The following ADGRA3 variants were observed in gnomAD, a reference collection of about 807,000 sequenced individuals.
ADGRA3 encodes adhesion G protein-coupled receptor A3.
ADGRA3 carries 56 observed loss-of-function variants against 119.8 expected under a neutral mutation model. That is an observed-to-expected ratio of 0.47 (90% CI 0.38 to 0.58). The LOEUF (loss-of-function observed/expected upper bound fraction) is 0.58. Ranked by LOEUF, ADGRA3 falls within the 20% of genes least tolerant of loss-of-function variation. The probability of loss-of-function intolerance (pLI) is 0.00; values close to 1 mark genes in which losing one functional copy is unlikely to be tolerated. For synonymous variants in ADGRA3, 607 were observed against 623.8 expected, an observed-to-expected ratio of 0.97 and a Z score of 0.40; for missense variants, 1,516 against 1,649.0, an observed-to-expected ratio of 0.92 and a Z score of 1.40.
chr4:22,427,502 G>A (rs1025962843), intron 10 of ADGRA3, among the ~76,000 whole-genome samples: 53 of 151,760 alleles, frequency 3.5e-4, no homozygotes, highest in African/African-American at 1.2e-3. Flanking sequence ...GGTACAGGAC[G>A]AACAACAGTA....
Position 22,464,761 on chromosome 4 carries a change from CA to C in ADGRA3, c.330-2954del, listed in dbSNP as rs34000411. Among the ~76,000 whole-genome samples, 1,118 of 152,312 alleles carry C rather than the reference CA, an allele frequency of 7.3e-3. 6 individuals carry two copies. Among genetic ancestry groups the C allele is most frequent in the Middle Eastern group, 0.024 (7 of 294 alleles). On this transcript the variant is annotated intron_variant, in intron 2 of 18. Coordinates refer to ENST00000334304, the MANE Select transcript of ADGRA3 (RefSeq NM_145290.4). The stretch of plus-strand genomic sequence containing the variant: ...CACCTGGAATGAAAACAGGATATCC[CA>C]GGGGGCTGGGGGGTCTGAGTGTGCT...
chr4:22,423,820 A>G (rs1162368228), intron 11 of ADGRA3, among the ~76,000 whole-genome samples: 1 of 152,210 alleles, frequency 6.6e-6, no homozygotes, highest in African/African-American at 2.4e-5. Flanking sequence ...GGGCAATACA[A>G]TAGTGTTCTT....
At chr4:22,466,740 C>G (rs1717673804) in intron 2 of ADGRA3, among the ~76,000 whole-genome samples, 1 of 151,936 alleles carries the variant, frequency 6.6e-6, no homozygotes, top group Admixed American at 6.6e-5. Context: ...AACAACAGCA[C>G]TCTGCGCCCT....
intron 10 of ADGRA3, among the ~76,000 whole-genome samples, chr4:22,431,913 A>C (rs927353114): frequency 3.9e-5 from 6 of 152,100 alleles, no homozygotes; most frequent in African/African-American, 1.4e-4. Flanking sequence ...GGGATTTTAT[A>C]AGTTTTACTT....
At chr4:22,486,186 C>A (rs1253479044) in intron 1 of ADGRA3, among the ~76,000 whole-genome samples, 1 of 152,070 alleles carries the variant, frequency 6.6e-6, no homozygotes. Flanking sequence ...TGTTATGGAT[C>A]TTTCCATATT....
intron 2 of ADGRA3, among the ~76,000 whole-genome samples, chr4:22,465,742 G>C (rs1301629108): frequency 6.6e-6 from 1 of 152,198 alleles, no homozygotes; most frequent in African/African-American, 2.4e-5. Flanking sequence ...CAGGATTTAA[G>C]TGTATCTTTC....
At chr4:22,508,738 A>C (rs1330953389) in intron 1 of ADGRA3, among the ~76,000 whole-genome samples, 1 of 152,168 alleles carries the variant, frequency 6.6e-6, no homozygotes, top group East Asian at 1.9e-4. Flanking sequence ...ATCCAGGTGG[A>C]GAAAAACAAT....
At chr4:22,487,117 C>T (rs1054391537) in intron 1 of ADGRA3, among the ~76,000 whole-genome samples, 4 of 152,212 alleles carry the variant, frequency 2.6e-5, no homozygotes, top group African/African-American at 7.2e-5. Context: ...CAACTGTTAA[C>T]GCCTCTGGGG....
chr4:22,405,085 G>A (rs975116728), intron 14 of ADGRA3, among the ~76,000 whole-genome samples: 5 of 152,122 alleles, frequency 3.3e-5, no homozygotes, highest in Non-Finnish European at 5.9e-5. Context: ...ATCTTAGGGG[G>A]GTTGGAGAAG....
chr4:22,467,947 G>A (rs193078099), intron 2 of ADGRA3, among the ~76,000 whole-genome samples: 65 of 152,288 alleles, frequency 4.3e-4, no homozygotes, highest in Middle Eastern at 3.4e-3. Flanking sequence ...AGAACATGAA[G>A]TATACCAGGT....
At chr4:22,492,789 G>T (rs1718676474) in intron 1 of ADGRA3, among the ~76,000 whole-genome samples, 2 of 152,138 alleles carry the variant, frequency 1.3e-5, no homozygotes, top group Admixed American at 6.6e-5. Context: ...ACAAAGACTA[G>T]CCAAACCAAG....
chr4:22,482,975 C>T (rs1718302773), intron 1 of ADGRA3, among the ~76,000 whole-genome samples: 2 of 152,158 alleles, frequency 1.3e-5, no homozygotes, highest in Admixed American at 1.3e-4. Context: ...CAGTCCCCAG[C>T]CAATGACTGA....
Position 22,402,664 on chromosome 4 carries a change from G to T in ADGRA3, c.2357+11C>A, listed in dbSNP as rs776525556. On this transcript the variant is annotated intron_variant, in intron 15 of 18. Transcript: ENST00000334304. ...GTCCGCAGATCTATTTTGTCGAGATGTATTTCTTACCTGTGATGGTATATG... is the reference window on the plus strand; with the variant it reads ...GTCCGCAGATCTATTTTGTCGAGATTTATTTCTTACCTGTGATGGTATATG... The T allele has an allele frequency of 1.7e-5, 28 of 1,607,702 alleles. No homozygotes were observed. Among genetic ancestry groups the T allele is most frequent in the Non-Finnish European group, 2.2e-5 (26 of 1,178,158 alleles).
intron 3 of ADGRA3, among the ~76,000 whole-genome samples, chr4:22,460,538 C>T (rs568053094): frequency 1.2e-3 from 190 of 152,282 alleles, no homozygotes; most frequent in Non-Finnish European, 2.4e-3. Context: ...CCATTAGTCT[C>T]CAATATATTT....
At chr4:22,504,674 G>A (rs75601289) in intron 1 of ADGRA3, among the ~76,000 whole-genome samples, 3,327 of 151,894 alleles carry the variant, frequency 0.022, 107 homozygotes, top group African/African-American at 0.075. Context: ...TCCTCTGCTT[G>A]TACCAGCCCC....
At chr4:22,464,614 G>A (rs1199460590) in intron 2 of ADGRA3, among the ~76,000 whole-genome samples, 2 of 152,140 alleles carry the variant, frequency 1.3e-5, no homozygotes, top group South Asian at 2.1e-4. Flanking sequence ...GCATGGCAGC[G>A]CTCACGCCTG....
At chr4:22,513,863 A>AC (rs1441159254) in intron 1 of ADGRA3, among the ~76,000 whole-genome samples, 3 of 150,948 alleles carry the variant, frequency 2.0e-5, no homozygotes, top group Admixed American at 6.6e-5. Context: ...AAAAAAAAAA[A>AC]AAAAAAAAAA....
At chr4:22,416,612 A>C (rs1479362847) in intron 12 of ADGRA3, among the ~76,000 whole-genome samples, 1 of 152,148 alleles carries the variant, frequency 6.6e-6, no homozygotes, top group African/African-American at 2.4e-5. Context: ...TACTGTTGTT[A>C]CTGCAGCACA....
chr4:22,462,401 C>T (rs546950798), intron 2 of ADGRA3, among the ~76,000 whole-genome samples: 1 of 152,118 alleles, frequency 6.6e-6, no homozygotes, highest in Non-Finnish European at 1.5e-5. Context: ...GCAACCTCCA[C>T]CTCCCAGGCT....
Sources: allele counts gnomAD v4.1 joint callset (sites outside exome capture counted in the v4.1 genomes callset), GRCh38; gene constraint gnomAD v4.1.1; transcripts MANE v1.5; gene names NCBI Gene and HGNC (gene_info 2026-07-23, HGNC 2026-07-21).